ANK2: variants seen among roughly 807,000 people sequenced by gnomAD.
ANK2 encodes ankyrin-2.
ANK2 carries 83 observed loss-of-function variants against 360.5 expected under a neutral mutation model. That is an observed-to-expected ratio of 0.23 (90% CI 0.19 to 0.28). ANK2 has a LOEUF of 0.28. ANK2 is among the 10% of genes least tolerant of loss of function. The pLI, the probability that ANK2 is intolerant of heterozygous loss-of-function variation, is 1.00. For synonymous variants in ANK2, 1,740 were observed against 1,759.5 expected, an observed-to-expected ratio of 0.99 and a Z score of 0.28; for missense variants, 4,201 against 4,795.7, an observed-to-expected ratio of 0.88 and a Z score of 3.66.
chr4:112,907,271 G>A (rs2085555812), intron 2 of ANK2, among the ~76,000 whole-genome samples: 1 of 152,170 alleles, frequency 6.6e-6, no homozygotes. Context: ...CATTTAACTA[G>A]AAACTCTAAA....
chr4:113,335,573 A>G (rs1470938428), intron 29 of ANK2, among the ~76,000 whole-genome samples: 2 of 152,180 alleles, frequency 1.3e-5, no homozygotes, highest in East Asian at 1.9e-4. Flanking sequence ...TGCTGCACCT[A>G]GAACTAAATG....
At chr4:112,717,439 TA>T in the ANK2 span, among the ~76,000 whole-genome samples, 1 of 152,168 alleles carries the variant, frequency 6.6e-6, no homozygotes, top group African/African-American at 2.4e-5. Flanking sequence ...GCAAATCAAA[TA>T]AACTCTTTCT....
At chr4:112,837,931 C>G (rs1162264857) in intron 1 of ANK2, among the ~76,000 whole-genome samples, 1 of 152,158 alleles carries the variant, frequency 6.6e-6, no homozygotes, top group Non-Finnish European at 1.5e-5. Context: ...TGAGTTAATG[C>G]TGGGATGAGT....
At chr4:113,020,298 T>C (rs543340968) in intron 2 of ANK2, among the ~76,000 whole-genome samples, 32 of 152,286 alleles carry the variant, frequency 2.1e-4, no homozygotes, top group African/African-American at 7.5e-4. Flanking sequence ...GCCATTTTTC[T>C]ACCTCAGCCT....
chr4:112,922,910 T>C (rs1561113293), intron 2 of ANK2, among the ~76,000 whole-genome samples: 1 of 152,230 alleles, frequency 6.6e-6, no homozygotes, highest in African/African-American at 2.4e-5. Flanking sequence ...CTGTTTCTAT[T>C]ATTATAAAAG....
At chr4:113,221,446 G>A (rs28556940) in intron 4 of ANK2, among the ~76,000 whole-genome samples, 56,698 of 151,892 alleles carry the variant, frequency 0.37, 11,439 homozygotes, top group Non-Finnish European at 0.46. Context: ...GGTCACTTGA[G>A]GTCAGGAGTT....
In ANK2 at chr4:113,049,769, A is replaced by G; in HGVS notation, c.41A>G (p.Glu14Gly). ...EDAAQKSDSG[E>G]KFNGSSQRRK... Reference sequence around the variant, plus strand: ...GCAGCTCAGAAAAGCGACAGTGGAGAGAAGTTCAACGGCAGTAGTCAGAGG... The same window carrying G: ...GCAGCTCAGAAAAGCGACAGTGGAGGGAAGTTCAACGGCAGTAGTCAGAGG... The change falls in exon 1 of 46, where the codon GAG becomes GGG. Residue 14 changes from glutamate (E) to glycine (G), a missense_variant. Physicochemically the swap from Glu to Gly is moderately conservative, Grantham distance 98. Transcript: ENST00000357077. 2.5e-6 allele frequency: 4 copies of G among 1,613,866 alleles called. No individual in the cohort carries two copies. Among genetic ancestry groups the G allele is most frequent in the Non-Finnish European group, 3.4e-6 (4 of 1,179,832 alleles).
chr4:113,166,199 A>C (rs6814622), intron 1 of ANK2, among the ~76,000 whole-genome samples: 32,296 of 152,018 alleles, frequency 0.21, 3,743 homozygotes, highest in African/African-American at 0.3. Context: ...GTTTTCACCT[A>C]TCTTTGTTAA....
intron 2 of ANK2, among the ~76,000 whole-genome samples, chr4:113,043,034 A>G (rs532012524): frequency 6.6e-6 from 1 of 152,152 alleles, no homozygotes; most frequent in Non-Finnish European, 1.5e-5. Flanking sequence ...AAGCCCCAGT[A>G]ACTAGCATGG....
intron 1 of ANK2, among the ~76,000 whole-genome samples, chr4:112,901,213 C>T (rs2083255911): frequency 6.6e-6 from 1 of 152,080 alleles, no homozygotes; most frequent in Admixed American, 6.5e-5. Context: ...CTTTTAGCCC[C>T]TGGGATTTCA....
the ANK2 span, among the ~76,000 whole-genome samples, chr4:112,764,290 A>G: frequency 6.6e-6 from 1 of 151,248 alleles, no homozygotes; most frequent in South Asian, 2.1e-4. Flanking sequence ...TTTTCGTCCC[A>G]TTGATCTCTT....
At chr4:113,048,270 ATATATATTTTTTTTT>A (rs1321151197), upstream of ANK2, among the ~76,000 whole-genome samples, 3 of 62,304 alleles carry the variant, frequency 4.8e-5, no homozygotes, top group Non-Finnish European at 8.3e-5. Context: ...ATATATATAT[ATATATATTTTTTTTT>A]TTTTTTTTTT....
intron 1 of ANK2, among the ~76,000 whole-genome samples, chr4:113,052,022 T>C (rs1286278782): frequency 1.3e-5 from 2 of 152,212 alleles, no homozygotes; most frequent in African/African-American, 4.8e-5. Flanking sequence ...CAAAGGCTAG[T>C]AGTCATTTTT....
At chr4:112,908,412 G>A (rs2085993717) in intron 2 of ANK2, among the ~76,000 whole-genome samples, 2 of 152,166 alleles carry the variant, frequency 1.3e-5, no homozygotes, top group African/African-American at 2.4e-5. Context: ...AAAATGGGCT[G>A]GTGAAGTCAG....
At chr4:113,017,154 C>A (rs1213342010) in intron 2 of ANK2, among the ~76,000 whole-genome samples, 1 of 152,064 alleles carries the variant, frequency 6.6e-6, no homozygotes, top group Non-Finnish European at 1.5e-5. Flanking sequence ...ATATATGTTG[C>A]TGTATTTTCT....
At chr4:113,042,653 C>G (rs1360109179) in intron 2 of ANK2, among the ~76,000 whole-genome samples, 1 of 152,126 alleles carries the variant, frequency 6.6e-6, no homozygotes, top group Non-Finnish European at 1.5e-5. Flanking sequence ...GATGGAGTCA[C>G]TACTGCAGGC....
intron 2 of ANK2, among the ~76,000 whole-genome samples, chr4:112,991,174 G>A (rs1019397066): frequency 6.6e-6 from 1 of 151,334 alleles, no homozygotes; most frequent in African/African-American, 2.4e-5. Flanking sequence ...CTTGAACCCA[G>A]GAGGCAGAGG....
intron 4 of ANK2, among the ~76,000 whole-genome samples, chr4:113,228,149 T>C (rs1240219035): frequency 6.6e-6 from 1 of 152,244 alleles, no homozygotes; most frequent in Non-Finnish European, 1.5e-5. Context: ...TCTCCCCATA[T>C]TCTTGATACT....
At chr4:113,349,066 G>A (rs568272375) in intron 36 of ANK2, among the ~76,000 whole-genome samples, 2 of 152,190 alleles carry the variant, frequency 1.3e-5, no homozygotes, top group South Asian at 4.2e-4. Flanking sequence ...TGTTGCACAC[G>A]CCTCATCAAT....
Sources: allele counts gnomAD v4.1 joint callset (sites outside exome capture counted in the v4.1 genomes callset), GRCh38; gene constraint gnomAD v4.1.1; transcripts MANE v1.5; gene names NCBI Gene and HGNC (gene_info 2026-07-23, HGNC 2026-07-21).